CREB5: variants seen among roughly 807,000 people sequenced by gnomAD.
CREB5 encodes the protein cAMP responsive element binding protein 5.
In CREB5, 19 loss-of-function variants were observed where a neutral mutation model predicts 57.1. The observed-to-expected ratio is 0.33, with a 90% CI of 0.23 to 0.49. CREB5 has a LOEUF of 0.49. Ranked by LOEUF, CREB5 falls within the 20% of genes least tolerant of loss-of-function variation. The pLI is 0.99. For synonymous variants in CREB5, 238 were observed against 238.3 expected, an observed-to-expected ratio of 1.00 and a Z score of 0.01; for missense variants, 579 against 671.6, an observed-to-expected ratio of 0.86 and a Z score of 1.52.
intron 1 of CREB5, among the ~76,000 whole-genome samples, chr7:28,306,554 TG>T (rs1169599493): frequency 0.45 from 35,145 of 77,362 alleles, 8,293 homozygotes; most frequent in East Asian, 0.64. Flanking sequence ...TTGTTTTTTT[TG>T]TTTTTTTTTT....
chr7:28,324,983 G>A (rs1384447280), intron 1 of CREB5, among the ~76,000 whole-genome samples: 3 of 152,042 alleles, frequency 2.0e-5, no homozygotes, highest in Admixed American at 6.6e-5. Flanking sequence ...ACTTGTCAAC[G>A]CTTCTTTCAG....
At chr7:28,361,302 C>T (rs1404622134) in intron 1 of CREB5, among the ~76,000 whole-genome samples, 1 of 152,128 alleles carries the variant, frequency 6.6e-6, no homozygotes, top group Admixed American at 6.5e-5. Context: ...ATTTGCAGTC[C>T]TTCATCATCA....
At chr7:28,447,186 T>C (rs149773501) in intron 1 of CREB5, among the ~76,000 whole-genome samples, 60 of 152,348 alleles carry the variant, frequency 3.9e-4, no homozygotes, top group African/African-American at 1.4e-3. Flanking sequence ...TCTGACTGTA[T>C]TTATGAGATC....
chr7:28,681,314 G>A (rs1006958223), intron 5 of CREB5, among the ~76,000 whole-genome samples: 1 of 152,176 alleles, frequency 6.6e-6, no homozygotes, highest in Admixed American at 6.5e-5. Context: ...AGCCTGTGTT[G>A]CCGCTAGTTC....
intron 5 of CREB5, among the ~76,000 whole-genome samples, chr7:28,610,760 C>T (rs944184549): frequency 3.3e-5 from 5 of 152,240 alleles, no homozygotes; most frequent in African/African-American, 1.2e-4. Flanking sequence ...CCTGGAAGGT[C>T]CAGGAAGTGG....
chr7:28,721,046 G>T (rs1803005319), intron 6 of CREB5, among the ~76,000 whole-genome samples: 1 of 152,144 alleles, frequency 6.6e-6, no homozygotes, highest in African/African-American at 2.4e-5. Flanking sequence ...CAGCTGCATG[G>T]TCAAGAGCTC....
intron 5 of CREB5, among the ~76,000 whole-genome samples, chr7:28,709,090 G>C (rs574126978): frequency 6.6e-6 from 1 of 152,088 alleles, no homozygotes. Context: ...TTTGAGTTGC[G>C]TTCAAAATCA....
chr7:28,395,179 C>A (rs1787311214), intron 1 of CREB5, among the ~76,000 whole-genome samples: 1 of 152,178 alleles, frequency 6.6e-6, no homozygotes, highest in Admixed American at 6.5e-5. Context: ...TAAATGACGT[C>A]TGTCAATCTC....
At chr7:28,430,654 T>G (rs1788676072) in intron 1 of CREB5, among the ~76,000 whole-genome samples, 1 of 152,170 alleles carries the variant, frequency 6.6e-6, no homozygotes, top group African/African-American at 2.4e-5. Flanking sequence ...GGGGGCTCAG[T>G]TTTCTTTTGC....
chr7:28,544,883 A>C (rs905435922), intron 4 of CREB5, among the ~76,000 whole-genome samples: 2 of 152,218 alleles, frequency 1.3e-5, no homozygotes, highest in Non-Finnish European at 2.9e-5. Context: ...CAGAGGCTGC[A>C]AGAGAAAATA....
intron 5 of CREB5, among the ~76,000 whole-genome samples, chr7:28,684,382 T>C (rs1800746239): frequency 6.6e-6 from 1 of 152,238 alleles, no homozygotes; most frequent in African/African-American, 2.4e-5. Context: ...GGCATCAGCA[T>C]CAATTGAGGA....
At position 28,421,916 on chromosome 7, in the gene CREB5, ATG is replaced by A. The variant is rs67782377; in HGVS notation, c.3+9007_3+9008del. On this transcript the variant is annotated intron_variant, in intron 1 of 10. Transcript: ENST00000357727. ...TACCATATATATAGAGAGAGTGTGT[ATG>A]TGTGTGTATGTGTATATATATATAT... Among the ~76,000 whole-genome samples, 1,259 of 146,224 alleles carry A rather than the reference ATG, an allele frequency of 8.6e-3. 19 individuals carry two copies. Among genetic ancestry groups the A allele is most frequent in the African/African-American group, 0.029 (1,148 of 40,112 alleles).
Position 28,678,177 on chromosome 7 carries a change from C to T in CREB5, c.465-40576C>T, listed in dbSNP as rs192458849. ...CCAAGGCGGGTGGATTACTTGAGGT[C>T]AGGAGTTCAAGACCAGCCTGGCCCA... On this transcript the variant is annotated intron_variant, in intron 5 of 10. Transcript: ENST00000357727. Among the ~76,000 whole-genome samples the T allele has an allele frequency of 3.1e-3, 473 of 152,270 alleles. 2 individuals are homozygous for T. Among genetic ancestry groups the T allele is most frequent in the Non-Finnish European group, 5.2e-3 (353 of 68,030 alleles).
At chr7:28,374,684 G>A (rs1421249267) in intron 1 of CREB5, among the ~76,000 whole-genome samples, 1 of 152,192 alleles carries the variant, frequency 6.6e-6, no homozygotes, top group African/African-American at 2.4e-5. Context: ...GTTGCCTGGA[G>A]CTGGGGGTGT....
In CREB5 at chr7:28,399,919, G is replaced by T. The variant is rs983789678; in HGVS notation, c.-24-94987G>T. Among the ~76,000 whole-genome samples, 3 of 152,250 alleles carry T rather than the reference G, an allele frequency of 2.0e-5. No homozygotes were observed. The South Asian group carries it at 6.2e-4, about 32-fold the overall frequency. ...AAAAAAATACAAAAATTAGCTGGGC[G>T]TGGTGGCAGGTGCCTGTAATCCCAG... On this transcript the variant is annotated intron_variant, in intron 1 of 9. Transcript: ENST00000396299.
chr7:28,475,187 GATTAT>G (rs1044815979), intron 1 of CREB5, among the ~76,000 whole-genome samples: 7 of 145,298 alleles, frequency 4.8e-5, no homozygotes, highest in African/African-American at 1.8e-4. Context: ...CCAGATCATT[GATTAT>G]ATTATGACTT....
intron 4 of CREB5, among the ~76,000 whole-genome samples, chr7:28,569,875 T>C (rs1345459741): frequency 6.6e-6 from 1 of 152,104 alleles, no homozygotes; most frequent in African/African-American, 2.4e-5. Flanking sequence ...GTCCTGAGAT[T>C]ATGATTTGGA....
chr7:28,623,509 A>C (rs1245463359), intron 5 of CREB5, among the ~76,000 whole-genome samples: 1 of 152,226 alleles, frequency 6.6e-6, no homozygotes, highest in African/African-American at 2.4e-5. Flanking sequence ...CATATTCTAT[A>C]AATGGCTCTT....
At chr7:28,340,732 T>C (rs1785920854) in intron 1 of CREB5, among the ~76,000 whole-genome samples, 1 of 152,172 alleles carries the variant, frequency 6.6e-6, no homozygotes, top group Non-Finnish European at 1.5e-5. Context: ...CCTTGTAGCC[T>C]AGATTGCCTT....
Sources: gnomAD v4.1 joint callset for allele counts (sites outside exome capture counted in the v4.1 genomes callset) on GRCh38, gnomAD v4.1.1 for gene constraint, MANE v1.5 for transcripts, NCBI Gene and HGNC (gene_info 2026-07-23, HGNC 2026-07-21) for gene names.